PRKCZ: variants seen among roughly 807,000 people sequenced by gnomAD.
The protein encoded by PRKCZ is protein kinase C zeta, also known as protein kinase C zeta type.
Under a neutral mutation model 79.5 loss-of-function variants are expected in PRKCZ, and 33 were observed. That is an observed-to-expected ratio of 0.41 (90% CI 0.31 to 0.55). The LOEUF (loss-of-function observed/expected upper bound fraction) is 0.55, where lower values mean the gene tolerates loss of function less well. Ranked by LOEUF, PRKCZ falls within the 20% of genes least tolerant of loss-of-function variation. The pLI, the probability that PRKCZ is intolerant of heterozygous loss-of-function variation, is 0.19. For missense variants in PRKCZ, 578 were observed against 813.5 expected (o/e 0.71, Z 3.52); for synonymous variants, 342 against 320.9 (o/e 1.07, Z -0.70).
chr1:2,058,005 C>T (rs1660336888), intron 3 of PRKCZ, among the ~76,000 whole-genome samples: 1 of 152,212 alleles, frequency 6.6e-6, no homozygotes, highest in Non-Finnish European at 1.5e-5. Flanking sequence ...GTAGCTGGGA[C>T]TACAGGCATG....
rs766479560 is a variant in PRKCZ, at chr1:2,177,143, G to A, written c.1575+1830G>A. Among the ~76,000 whole-genome samples, 13 of 152,172 alleles carry A rather than the reference G, an allele frequency of 8.5e-5. No homozygotes were observed. Among genetic ancestry groups the A allele is most frequent in the Admixed American group, 3.9e-4 (6 of 15,288 alleles). On this transcript the variant is annotated intron_variant, in intron 16 of 17. Transcript: ENST00000378567. This position sits in a 1 kb window ranked among gnomAD's most constrained non-coding sequence, Gnocchi z 6.4. Reference sequence around the variant, plus strand: ...CTGGCCTAGTGGGGTTACTGGTGGCGTTCCCCTATCTCAGGCCACACCTGG... The same window carrying A: ...CTGGCCTAGTGGGGTTACTGGTGGCATTCCCCTATCTCAGGCCACACCTGG...
chr1:2,067,681 C>T (rs1017963214), intron 4 of PRKCZ, among the ~76,000 whole-genome samples: 6 of 152,162 alleles, frequency 3.9e-5, no homozygotes, highest in Admixed American at 3.9e-4. Context: ...GGGCCCCTCT[C>T]CCGCTTGTTT....
At chr1:2,153,974 G>A (rs1454600397) in intron 9 of PRKCZ, among the ~76,000 whole-genome samples, 1 of 152,214 alleles carries the variant, frequency 6.6e-6, no homozygotes, top group African/African-American at 2.4e-5. Flanking sequence ...CACCGATTCT[G>A]CAGCGCCAGC....
chr1:2,063,352 G>T (rs1225363665), intron 4 of PRKCZ, among the ~76,000 whole-genome samples: 1 of 152,162 alleles, frequency 6.6e-6, no homozygotes, highest in Admixed American at 6.5e-5. Context: ...TCGCTCTGTC[G>T]CTTAGGCTGG....
chr1:2,111,297 C>T (rs1429803385), intron 4 of PRKCZ, among the ~76,000 whole-genome samples: 1 of 151,934 alleles, frequency 6.6e-6, no homozygotes, highest in African/African-American at 2.4e-5. Flanking sequence ...CCCACGGCAA[C>T]TGTGAAGGTC....
intron 1 of PRKCZ, among the ~76,000 whole-genome samples, chr1:2,054,700 C>T (rs962288151): frequency 6.6e-6 from 1 of 152,074 alleles, no homozygotes; most frequent in Non-Finnish European, 1.5e-5. Flanking sequence ...CTGGCACCGT[C>T]GAGGTCTGGG....
At chr1:2,138,073 A>G (rs1277213414) in intron 5 of PRKCZ, among the ~76,000 whole-genome samples, 1 of 152,194 alleles carries the variant, frequency 6.6e-6, no homozygotes, top group African/African-American at 2.4e-5. Flanking sequence ...GAGCCGCTCC[A>G]TGTAGTGCTC....
intron 4 of PRKCZ, among the ~76,000 whole-genome samples, chr1:2,110,386 T>C (rs1669483309): frequency 6.6e-6 from 1 of 152,228 alleles, no homozygotes; most frequent in Non-Finnish European, 1.5e-5. Context: ...ACTGGCTTCC[T>C]CCGTTCAGGC....
At chr1:2,161,488 G>A (rs1468029361) in intron 10 of PRKCZ, among the ~76,000 whole-genome samples, 1 of 152,232 alleles carries the variant, frequency 6.6e-6, no homozygotes, top group Non-Finnish European at 1.5e-5. Context: ...GGACCCCCAG[G>A]ACATGGGCTT....
intron 4 of PRKCZ, among the ~76,000 whole-genome samples, chr1:2,062,310 C>A (rs961273114): frequency 6.6e-6 from 1 of 152,070 alleles, no homozygotes; most frequent in Non-Finnish European, 1.5e-5. Context: ...TGTGGCCCTG[C>A]GGATTCTGGA....
chr1:2,088,320 C>G (rs1664895264), intron 4 of PRKCZ, among the ~76,000 whole-genome samples: 1 of 152,206 alleles, frequency 6.6e-6, no homozygotes, highest in African/African-American at 2.4e-5. Context: ...ACGCCCCTCC[C>G]TCCGCCTCCC....
chr1:2,053,223 C>A (rs151082204), intron 1 of PRKCZ, among the ~76,000 whole-genome samples: 3,832 of 152,178 alleles, frequency 0.025, 157 homozygotes, highest in African/African-American at 0.088. Context: ...GCTTCAGCCT[C>A]CCTAGTATCT....
At chr1:2,086,562 C>T (rs1020198456) in intron 4 of PRKCZ, among the ~76,000 whole-genome samples, 27 of 152,312 alleles carry the variant, frequency 1.8e-4, no homozygotes, top group African/African-American at 5.8e-4. Context: ...GGCATCCCCT[C>T]GGCCCTTTCT....
At chr1:2,163,063 C>T (rs1682625973) in intron 10 of PRKCZ, among the ~76,000 whole-genome samples, 2 of 152,184 alleles carry the variant, frequency 1.3e-5, no homozygotes, top group Non-Finnish European at 2.9e-5. Context: ...CAGGTCGTGC[C>T]GTCTCTGTTC....
At chr1:2,154,782 C>T (rs1023738599) in intron 9 of PRKCZ, among the ~76,000 whole-genome samples, 5 of 152,200 alleles carry the variant, frequency 3.3e-5, no homozygotes, top group African/African-American at 9.6e-5. Context: ...CAAGATGAGA[C>T]CAAGCTGTTG....
chr1:2,153,742 G>A lies in PRKCZ; in HGVS notation c.877-2253G>A, dbSNP rs185769780. Among the ~76,000 whole-genome samples, 328 of 152,368 alleles carry A rather than the reference G, an allele frequency of 2.2e-3. 1 individual carries two copies. The highest frequency in any genetic ancestry group is 6.8e-3 in the South Asian group (33 of 4,832). ...GCGGGACCCTGAGAAAAGACATTTGGAAGAGTCGCTGCTGCGGTTTTGTTC... is the reference window on the plus strand; with the variant it reads ...GCGGGACCCTGAGAAAAGACATTTGAAAGAGTCGCTGCTGCGGTTTTGTTC... On this transcript the variant is annotated intron_variant, in intron 9 of 17. Coordinates refer to ENST00000378567, the MANE Select transcript of PRKCZ (RefSeq NM_002744.6).
rs545707424 is a variant in PRKCZ at position 2,173,803 on chromosome 1, G to T, written c.1286-94G>T. On this transcript the variant is annotated intron_variant, in intron 13 of 17. Transcript: ENST00000378567. The surrounding 1 kb of genome is among the most constrained non-coding windows in gnomAD (Gnocchi z 5.7). ...GCCTGCTCAAGCCTGGCTCACACTC[G>T]TGTCAACTGGGCATGAAAACCAACG... 1.3e-6 allele frequency: 2 copies of T among 1,486,386 alleles called. No individual in the cohort carries two copies. Among genetic ancestry groups the T allele is most frequent in the Non-Finnish European group, 9.0e-7 (1 of 1,112,718 alleles). 92.1% of individuals were successfully genotyped at this position (1,486,386 alleles called of 1,614,324 possible). A position where few individuals can be genotyped will look rare whatever the true frequency, so the allele number is the denominator to read the frequency against.
chr1:2,155,349 GTGA>G (rs751762799), intron 9 of PRKCZ, among the ~76,000 whole-genome samples: 2 of 151,766 alleles, frequency 1.3e-5, no homozygotes, highest in African/African-American at 4.8e-5. Flanking sequence ...GACAATGGTG[GTGA>G]TGACGGTGAT....
chr1:2,175,437 T>G (rs1685277772), intron 16 of PRKCZ, 124 bp downstream of exon 16: 7 of 678,988 alleles, frequency 1.0e-5, no homozygotes, highest in Middle Eastern at 4.1e-4. Flanking sequence ...CGAACCCCAA[T>G]ATCCATCCCA....
Sources: allele counts gnomAD v4.1 joint callset (sites outside exome capture counted in the v4.1 genomes callset), GRCh38; gene constraint gnomAD v4.1.1; non-coding constraint Gnocchi (gnomAD v3.1); transcripts MANE v1.5; gene names NCBI Gene and HGNC (gene_info 2026-07-23, HGNC 2026-07-21).